Variants in PDE4B observed in about 807,000 individuals in gnomAD.
PDE4B encodes the protein 3',5'-cyclic-AMP phosphodiesterase 4B.
Under a neutral mutation model 82.2 loss-of-function variants are expected in PDE4B, and 20 were observed. That is an observed-to-expected ratio of 0.24 (90% CI 0.17 to 0.35). The LOEUF is 0.35. PDE4B is among the 10% of genes least tolerant of loss of function. PDE4B has a pLI of 1.00. For synonymous variants in PDE4B, 320 were observed against 318.9 expected, an observed-to-expected ratio of 1.00 and a Z score of -0.04; for missense variants, 655 against 907.2, an observed-to-expected ratio of 0.72 and a Z score of 3.57.
intron 7 of PDE4B, among the ~76,000 whole-genome samples, chr1:66,296,158 G>A (rs970123566): frequency 6.6e-6 from 1 of 152,130 alleles, no homozygotes; most frequent in African/African-American, 2.4e-5. Flanking sequence ...GCTGTGTTAT[G>A]ATGACCCATT....
intron 7 of PDE4B, among the ~76,000 whole-genome samples, chr1:66,285,145 G>A (rs1463245248): frequency 1.3e-5 from 2 of 152,104 alleles, no homozygotes; most frequent in African/African-American, 4.8e-5. Flanking sequence ...CATGGTGGTA[G>A]GGCATTTCCT....
intron 3 of PDE4B, among the ~76,000 whole-genome samples, chr1:66,200,390 T>C (rs1444914243): frequency 1.3e-5 from 2 of 152,176 alleles, no homozygotes; most frequent in African/African-American, 2.4e-5. Flanking sequence ...AAGAAAGTCA[T>C]TGGTAGCTTG....
chr1:66,115,894 G>GT, intron 3 of PDE4B, among the ~76,000 whole-genome samples: 1 of 152,276 alleles, frequency 6.6e-6, no homozygotes, highest in South Asian at 2.1e-4. Context: ...TTTGACTCCT[G>GT]TTTTTCTATG....
chr1:66,251,618 G>A (rs1653783099), intron 4 of PDE4B, among the ~76,000 whole-genome samples: 1 of 152,164 alleles, frequency 6.6e-6, no homozygotes, highest in South Asian at 2.1e-4. Context: ...GCTATGCACT[G>A]GTTTGAAAGG....
At chr1:66,042,967 A>T (rs1306470908) in intron 3 of PDE4B, among the ~76,000 whole-genome samples, 2 of 151,754 alleles carry the variant, frequency 1.3e-5, no homozygotes, top group African/African-American at 4.8e-5. Context: ...TATGTTAAGT[A>T]GTTTCTTACC....
At chr1:66,000,844 T>A (rs1291751024) in intron 3 of PDE4B, among the ~76,000 whole-genome samples, 1 of 152,172 alleles carries the variant, frequency 6.6e-6, no homozygotes, top group Non-Finnish European at 1.5e-5. Flanking sequence ...AAAGAGTGCT[T>A]CTTTCAAACT....
intron 3 of PDE4B, chr1:66,112,734 C>A (rs190020074): frequency 7.2e-5 from 11 of 152,264 alleles, no homozygotes; most frequent in Admixed American, 6.5e-4. Flanking sequence ...TGCCTCAACA[C>A]CTTATCATAT....
intron 3 of PDE4B, among the ~76,000 whole-genome samples, chr1:66,114,312 T>C (rs1219356562): frequency 6.6e-6 from 1 of 152,170 alleles, no homozygotes; most frequent in East Asian, 1.9e-4. Flanking sequence ...CATAGTTACC[T>C]GAACAGACTA....
At chr1:66,335,303 T>C (rs1660435575) in intron 8 of PDE4B, among the ~76,000 whole-genome samples, 1 of 152,242 alleles carries the variant, frequency 6.6e-6, no homozygotes, top group Non-Finnish European at 1.5e-5. Context: ...GTTTGCAATG[T>C]CTGATCTTAA....
chr1:65,979,857 T>C (rs1488972929), intron 3 of PDE4B, among the ~76,000 whole-genome samples: 1 of 152,120 alleles, frequency 6.6e-6, no homozygotes, highest in East Asian at 1.9e-4. Context: ...TTTATTCTAG[T>C]GGAGGTGTCA....
chr1:65,875,590 G>T (rs1646630343), intron 1 of PDE4B, among the ~76,000 whole-genome samples: 1 of 146,030 alleles, frequency 6.8e-6, no homozygotes, highest in Non-Finnish European at 1.5e-5. Context: ...AGAAAATGTG[G>T]CACATATACA....
intron 3 of PDE4B, among the ~76,000 whole-genome samples, chr1:66,226,395 A>G (rs144922806): frequency 2.0e-4 from 31 of 152,338 alleles, no homozygotes; most frequent in African/African-American, 7.0e-4. Flanking sequence ...ATTCCAAATA[A>G]TGAGAAATGC....
At chr1:66,280,241 A>G (rs1199456699) in intron 7 of PDE4B, among the ~76,000 whole-genome samples, 1 of 152,274 alleles carries the variant, frequency 6.6e-6, no homozygotes, top group African/African-American at 2.4e-5. Context: ...AGCGCAAGCT[A>G]TTGGTACTTT....
chr1:65,949,713 A>C (rs1192390635), intron 3 of PDE4B, among the ~76,000 whole-genome samples: 1 of 152,124 alleles, frequency 6.6e-6, no homozygotes, highest in Non-Finnish European at 1.5e-5. Flanking sequence ...GCAAGTCCTG[A>C]GAAGGTAAAG....
chr1:65,825,708 A>C, intron 1 of PDE4B, among the ~76,000 whole-genome samples: 1 of 87,720 alleles, frequency 1.1e-5, no homozygotes, highest in Admixed American at 1.1e-4. Flanking sequence ...AAAATTACCT[A>C]TCTATCTATC....
At chr1:66,303,824 G>A (rs1658077584) in intron 7 of PDE4B, among the ~76,000 whole-genome samples, 1 of 152,118 alleles carries the variant, frequency 6.6e-6, no homozygotes. Context: ...CTGCTTATGT[G>A]TCTGGTATTA....
intron 3 of PDE4B, among the ~76,000 whole-genome samples, chr1:66,237,724 T>A (rs1207981581): frequency 6.6e-6 from 1 of 152,230 alleles, no homozygotes; most frequent in Non-Finnish European, 1.5e-5. Flanking sequence ...ATCCTTTCTC[T>A]GAGTAAAGAA....
chr1:66,334,811 T>C (rs1660384680), intron 8 of PDE4B, among the ~76,000 whole-genome samples: 1 of 152,206 alleles, frequency 6.6e-6, no homozygotes, highest in Non-Finnish European at 1.5e-5. Context: ...ACACATATGA[T>C]ATAAGGCAAT....
At chr1:66,263,205 G>T (rs1261139865) in intron 6 of PDE4B, among the ~76,000 whole-genome samples, 1 of 152,190 alleles carries the variant, frequency 6.6e-6, no homozygotes. Context: ...GCAATGCAGT[G>T]GTTCAGTAAG....
Sources: gnomAD v4.1 joint callset for allele counts (sites outside exome capture counted in the v4.1 genomes callset) on GRCh38, gnomAD v4.1.1 for gene constraint, MANE v1.5 for transcripts, NCBI Gene and HGNC (gene_info 2026-07-23, HGNC 2026-07-21) for gene names.